The following NPAS3 variants were observed in gnomAD, a reference collection of about 807,000 sequenced individuals.
NPAS3 encodes neuronal PAS domain-containing protein 3.
In NPAS3, 14 loss-of-function variants were observed where a neutral mutation model predicts 73.1. That is an observed-to-expected ratio of 0.19 (90% CI 0.13 to 0.30). The LOEUF (loss-of-function observed/expected upper bound fraction) is 0.30, where lower values mean the gene tolerates loss of function less well. Among genes scored for constraint, NPAS3 ranks in the 10% least tolerant of loss-of-function variants. The probability of loss-of-function intolerance (pLI) is 1.00; values close to 1 mark genes in which losing one functional copy is unlikely to be tolerated. For missense variants in NPAS3, 1,096 were observed against 1,250.0 expected (o/e 0.88, Z 1.86); for synonymous variants, 620 against 541.5 (o/e 1.14, Z -2.01).
intron 3 of NPAS3, among the ~76,000 whole-genome samples, chr14:33,265,144 G>A (rs1476608904): frequency 2.6e-5 from 4 of 152,188 alleles, no homozygotes; most frequent in African/African-American, 9.7e-5. Context: ...CTGCTGTGAT[G>A]AGGAGATACT....
intron 5 of NPAS3, among the ~76,000 whole-genome samples, chr14:33,637,101 A>T (rs766604026): frequency 4.6e-5 from 7 of 152,060 alleles, no homozygotes; most frequent in Non-Finnish European, 8.8e-5. Flanking sequence ...GATTGTGGAG[A>T]AACAAACTAT....
chr14:33,300,585 A>C (rs1341454692), intron 3 of NPAS3, among the ~76,000 whole-genome samples: 3 of 152,184 alleles, frequency 2.0e-5, no homozygotes, highest in Non-Finnish European at 4.4e-5. Context: ...TGAGAAGCTG[A>C]GGGGACCCAC....
chr14:33,437,364 T>G (rs1365960001), intron 4 of NPAS3, among the ~76,000 whole-genome samples: 1 of 152,156 alleles, frequency 6.6e-6, no homozygotes, highest in Non-Finnish European at 1.5e-5. Context: ...GAGGAAACAG[T>G]GCTGAGAAGT....
At chr14:33,779,703 A>G (rs1157310279) in intron 9 of NPAS3, among the ~76,000 whole-genome samples, 1 of 152,230 alleles carries the variant, frequency 6.6e-6, no homozygotes, top group East Asian at 1.9e-4. Flanking sequence ...AGCCTATACC[A>G]TATAGCCCAA....
chr14:33,587,883 G>A (rs1202016181), intron 5 of NPAS3, among the ~76,000 whole-genome samples: 1 of 152,162 alleles, frequency 6.6e-6, no homozygotes, highest in Non-Finnish European at 1.5e-5. Context: ...GAGCACTACA[G>A]AACCTCAAAT....
chr14:33,569,563 A>G (rs558956000), intron 5 of NPAS3, among the ~76,000 whole-genome samples: 9 of 152,258 alleles, frequency 5.9e-5, no homozygotes, highest in East Asian at 5.8e-4. Flanking sequence ...TCGCCAATAG[A>G]AACATTGTTT....
chr14:33,754,009 TC>T (rs1247386458), intron 7 of NPAS3, among the ~76,000 whole-genome samples: 2 of 152,094 alleles, frequency 1.3e-5, no homozygotes, highest in African/African-American at 4.8e-5. Context: ...AAAATCAGTT[TC>T]CCTAGAGTGG....
intron 3 of NPAS3, among the ~76,000 whole-genome samples, chr14:33,236,057 C>G (rs1473355630): frequency 6.6e-6 from 1 of 151,850 alleles, no homozygotes; most frequent in Non-Finnish European, 1.5e-5. Context: ...TTTGATTCAT[C>G]TTAATCAGCA....
chr14:33,042,858 A>G (rs2040388886), intron 1 of NPAS3, among the ~76,000 whole-genome samples: 1 of 152,200 alleles, frequency 6.6e-6, no homozygotes, highest in African/African-American at 2.4e-5. Flanking sequence ...TTCTAGAGAC[A>G]GAAAAATACA....
chr14:33,212,051 A>C (rs989780853), intron 2 of NPAS3, among the ~76,000 whole-genome samples: 4 of 152,242 alleles, frequency 2.6e-5, no homozygotes, highest in African/African-American at 9.6e-5. Flanking sequence ...AAACGTACAA[A>C]TACAAAGTTT....
intron 2 of NPAS3, among the ~76,000 whole-genome samples, chr14:33,123,603 C>T (rs771390883): frequency 4.0e-5 from 6 of 151,826 alleles, no homozygotes; most frequent in Admixed American, 1.3e-4. Context: ...AGCAGATAGT[C>T]GGGAGGAGAA....
At chr14:33,017,076 G>A (rs892389627) in intron 1 of NPAS3, among the ~76,000 whole-genome samples, 1 of 152,094 alleles carries the variant, frequency 6.6e-6, no homozygotes, top group African/African-American at 2.4e-5. Context: ...GCCTTCAATC[G>A]CTACAAATTC....
chr14:33,191,702 G>C (rs1380482550), intron 2 of NPAS3, among the ~76,000 whole-genome samples: 1 of 152,162 alleles, frequency 6.6e-6, no homozygotes, highest in East Asian at 1.9e-4. Context: ...TCTCAATACT[G>C]AATTAAAATT....
exon 12 of NPAS3, chr14:33,799,868 A>T (rs778020700): frequency 6.2e-7 from 1 of 1,614,188 alleles, no homozygotes; most frequent in Non-Finnish European, 8.5e-7. Flanking sequence ...CCACAGCTCC[A>T]GTAACCCGGA....
intron 4 of NPAS3, among the ~76,000 whole-genome samples, chr14:33,500,784 T>G (rs1382270284): frequency 1.3e-5 from 2 of 151,902 alleles, no homozygotes; most frequent in East Asian, 3.9e-4. Context: ...TGGTAGAATA[T>G]GATCTCCAAA....
At chr14:32,997,248 T>G (rs372127692) in intron 1 of NPAS3, among the ~76,000 whole-genome samples, 1 of 152,222 alleles carries the variant, frequency 6.6e-6, no homozygotes, top group Non-Finnish European at 1.5e-5. Flanking sequence ...GTAACTAACT[T>G]GCTTTTGATT....
At chr14:33,647,662 C>T (rs1017873788) in intron 5 of NPAS3, among the ~76,000 whole-genome samples, 2 of 152,138 alleles carry the variant, frequency 1.3e-5, no homozygotes, top group African/African-American at 4.8e-5. Context: ...TTCACAATGT[C>T]AAGGATGCCT....
intron 6 of NPAS3, among the ~76,000 whole-genome samples, chr14:33,677,890 C>A (rs1043024503): frequency 6.6e-6 from 1 of 152,206 alleles, no homozygotes; most frequent in African/African-American, 2.4e-5. Flanking sequence ...AGCGAGATAA[C>A]TGGAACTGTT....
intron 5 of NPAS3, among the ~76,000 whole-genome samples, chr14:33,641,768 T>A (rs2058681993): frequency 6.6e-6 from 1 of 152,160 alleles, no homozygotes; most frequent in Non-Finnish European, 1.5e-5. Flanking sequence ...TATATTACTA[T>A]TGTGCCAAGG....
Sources: gnomAD v4.1 joint callset for allele counts (sites outside exome capture counted in the v4.1 genomes callset) on GRCh38, gnomAD v4.1.1 for gene constraint, MANE v1.5 for transcripts, NCBI Gene and HGNC (gene_info 2026-07-23, HGNC 2026-07-21) for gene names.